Variants in THSD4 observed in about 807,000 individuals in gnomAD.
THSD4 encodes the protein thrombospondin type-1 domain-containing protein 4.
Under a neutral mutation model 119.0 loss-of-function variants are expected in THSD4, and 69 were observed. That is an observed-to-expected ratio of 0.58 (90% CI 0.48 to 0.71). The LOEUF (loss-of-function observed/expected upper bound fraction) is 0.71, where lower values mean the gene tolerates loss of function less well. Among genes scored for constraint, THSD4 ranks in the 30% least tolerant of loss-of-function variants. The probability of loss-of-function intolerance (pLI) is 0.00; values close to 1 mark genes in which losing one functional copy is unlikely to be tolerated. For missense variants in THSD4, 1,393 were observed against 1,391.1 expected (o/e 1.00, Z -0.02); for synonymous variants, 524 against 540.4 (o/e 0.97, Z 0.42).
At chr15:71,226,945 A>G (rs926044334) in intron 4 of THSD4, among the ~76,000 whole-genome samples, 1 of 152,082 alleles carries the variant, frequency 6.6e-6, no homozygotes, top group Non-Finnish European at 1.5e-5. Flanking sequence ...TTACCTTCTG[A>G]AGCAGGAATA....
intron 6 of THSD4, among the ~76,000 whole-genome samples, chr15:71,282,914 C>G (rs1397735585): frequency 6.6e-6 from 1 of 151,958 alleles, no homozygotes; most frequent in East Asian, 1.9e-4. Flanking sequence ...CTCTAGCCCC[C>G]AGAGGATTTT....
intron 7 of THSD4, among the ~76,000 whole-genome samples, chr15:71,633,269 C>CTTTTTTTTTTTTTTTTTTTT (rs67682951): frequency 1.3e-4 from 8 of 63,160 alleles, no homozygotes; most frequent in African/African-American, 2.3e-4. Flanking sequence ...TTCTTTCTTT[C>CTTTTTTTTTTTTTTTTTTTT]TTTTTTTTTT....
At chr15:71,216,585 T>C (rs1596274060) in intron 4 of THSD4, among the ~76,000 whole-genome samples, 1 of 152,196 alleles carries the variant, frequency 6.6e-6, no homozygotes, top group African/African-American at 2.4e-5. Flanking sequence ...GAGTCAAGTT[T>C]GAGTAGACAG....
At chr15:71,106,781 A>G (rs899108852) in intron 1 of THSD4, among the ~76,000 whole-genome samples, 1 of 152,126 alleles carries the variant, frequency 6.6e-6, no homozygotes. Flanking sequence ...TCTGAGACCC[A>G]GGCTAACCAA....
rs557684238 is a variant in THSD4 at position 71,540,239 on chromosome 15, G to A, written c.1153-120291G>A. Among the ~76,000 whole-genome samples, 14 of 149,304 alleles carry A rather than the reference G, an allele frequency of 9.4e-5. No individual in the cohort carries two copies. The East Asian group carries it at 2.0e-3, about 21-fold the overall frequency. ...TGCAACCTCTGCCTCCTGGGTTCAAGCGATTCTCCTGCCTCAGCCTCCCGA... is the reference window on the plus strand; with the variant it reads ...TGCAACCTCTGCCTCCTGGGTTCAAACGATTCTCCTGCCTCAGCCTCCCGA... On this transcript the variant is annotated intron_variant, in intron 7 of 17. Transcript: ENST00000261862.
intron 8 of THSD4, among the ~76,000 whole-genome samples, chr15:71,678,202 T>G (rs79757794): frequency 0.014 from 2,119 of 152,346 alleles, 49 homozygotes; most frequent in African/African-American, 0.049. Context: ...TGTGATATGT[T>G]AGATCACTGA....
intron 4 of THSD4, among the ~76,000 whole-genome samples, chr15:71,236,777 A>G (rs2044109109): frequency 6.6e-6 from 1 of 152,202 alleles, no homozygotes. Context: ...CAACTAAGGC[A>G]GGTGTGCAAA....
intron 6 of THSD4, among the ~76,000 whole-genome samples, chr15:71,372,066 C>T (rs1028228236): frequency 5.3e-5 from 8 of 152,164 alleles, no homozygotes; most frequent in Non-Finnish European, 1.0e-4. Flanking sequence ...TCCAGTTGAT[C>T]GAATTGGTTA....
At chr15:71,704,963 C>G (rs1414399844) in intron 8 of THSD4, among the ~76,000 whole-genome samples, 1 of 152,150 alleles carries the variant, frequency 6.6e-6, no homozygotes, top group African/African-American at 2.4e-5. Context: ...CCACTTTGGG[C>G]CTTCAAATCA....
intron 6 of THSD4, among the ~76,000 whole-genome samples, chr15:71,359,780 A>G (rs762784911): frequency 4.6e-5 from 7 of 152,192 alleles, no homozygotes; most frequent in Non-Finnish European, 1.0e-4. Flanking sequence ...ACTGCACTCC[A>G]GCCTGAGATC....
intron 7 of THSD4, among the ~76,000 whole-genome samples, chr15:71,438,255 A>G (rs1308690726): frequency 1.3e-5 from 2 of 151,750 alleles, no homozygotes; most frequent in Non-Finnish European, 2.9e-5. Flanking sequence ...GGAGCTTTTT[A>G]TGCATTAAAG....
Position 71,745,113 on chromosome 15 carries a change from G to A in THSD4, c.1914G>A (p.Gln638=), listed in dbSNP as rs757460044. 1 of 1,611,110 alleles carries A rather than the reference G, an allele frequency of 6.2e-7. No homozygotes were observed. Among genetic ancestry groups the A allele is most frequent in the East Asian group, 2.2e-5 (1 of 44,838 alleles). Residue 638 remains glutamine, a synonymous_variant, in exon 12 of 18, where the codon CAG becomes CAA. Transcript: ENST00000261862. ...ATTCTCCTGTTGTTGCAGGATCGCA[G>A]TACCCTATTTTCCGCTGTGTGCACA... ...ECSTTCGKGS[Q]YPIFRCVHRS...
At chr15:71,351,989 C>T (rs906088647) in intron 6 of THSD4, among the ~76,000 whole-genome samples, 2 of 152,246 alleles carry the variant, frequency 1.3e-5, no homozygotes, top group African/African-American at 4.8e-5. Flanking sequence ...CTCCTTGATA[C>T]ACTTGTGTAA....
chr15:71,269,401 C>A (rs988849321), intron 6 of THSD4, among the ~76,000 whole-genome samples: 1 of 152,110 alleles, frequency 6.6e-6, no homozygotes, highest in African/African-American at 2.4e-5. Context: ...ATTCAACACC[C>A]CTTCATGCTA....
rs566260946 is a variant in THSD4, at chr15:71,552,573, A to G, written c.1153-107957A>G. ...TCAGCTATGTGGAACTCACTTGCTA[A>G]TGCAAGACCCAAGTTTGAGCTTTGG... On this transcript the variant is annotated intron_variant, in intron 7 of 17. Coordinates refer to ENST00000261862, the MANE Select transcript of THSD4 (RefSeq NM_024817.3). Among the ~76,000 whole-genome samples, 4 of 152,366 alleles carry G rather than the reference A, an allele frequency of 2.6e-5. No homozygotes were observed. In the South Asian group the frequency reaches 6.2e-4, roughly 24 times the overall value.
intron 7 of THSD4, among the ~76,000 whole-genome samples, chr15:71,620,782 CT>C: frequency 6.6e-6 from 1 of 152,124 alleles, no homozygotes; most frequent in Non-Finnish European, 1.5e-5. Context: ...CCAACATAGA[CT>C]TATTGCTCTG....
intron 7 of THSD4, among the ~76,000 whole-genome samples, chr15:71,597,220 G>A (rs141375276): frequency 6.6e-6 from 1 of 152,046 alleles, no homozygotes; most frequent in Admixed American, 6.6e-5. Context: ...GGCCTTCCTT[G>A]GTGCTACCCG....
In THSD4 at chr15:71,672,643, T is replaced by C. The variant is rs562103321; in HGVS notation, c.1357+11909T>C. On this transcript the variant is annotated intron_variant, in intron 8 of 17. Coordinates refer to ENST00000261862, the MANE Select transcript of THSD4 (RefSeq NM_024817.3). ...GTGGGTTTGTCATGAATAGCTCTTA[T>C]TATTTTGAGATACATTCCATCAGTA... 9.6e-4 allele frequency among the ~76,000 whole-genome samples: 147 copies of C among 152,352 alleles called. 1 individual carries two copies. Among genetic ancestry groups the C allele is most frequent in the African/African-American group, 3.4e-3 (143 of 41,586 alleles).
chr15:71,285,607 G>T (rs60148508), intron 6 of THSD4, among the ~76,000 whole-genome samples: 34,768 of 152,036 alleles, frequency 0.23, 4,105 homozygotes, highest in Admixed American at 0.32. Context: ...TGTAATCCCA[G>T]CACTTTGGGA....
Sources: allele counts gnomAD v4.1 joint callset (sites outside exome capture counted in the v4.1 genomes callset), GRCh38; gene constraint gnomAD v4.1.1; transcripts MANE v1.5; gene names NCBI Gene and HGNC (gene_info 2026-07-23, HGNC 2026-07-21).